The following NFIL3 variants were observed in gnomAD, a reference collection of about 807,000 sequenced individuals.
The protein encoded by NFIL3 is nuclear factor, interleukin 3 regulated.
Under a neutral mutation model 10.0 loss-of-function variants are expected in NFIL3, and 5 were observed. The observed-to-expected ratio is 0.50, with a 90% CI of 0.26 to 1.06. NFIL3 has a LOEUF of 1.06. Among genes scored for constraint, NFIL3 ranks in the 50% least tolerant of loss-of-function variants. The probability of loss-of-function intolerance (pLI) is 0.13; values close to 1 mark genes in which losing one functional copy is unlikely to be tolerated. For synonymous variants in NFIL3, 202 were observed against 206.5 expected (o/e 0.98, Z 0.19); for missense variants, 436 against 547.6 (o/e 0.80, Z 2.03).
At chr9:91,448,373 C>A in the NFIL3 span, among the ~76,000 whole-genome samples, 4 of 152,192 alleles carry the variant, frequency 2.6e-5, no homozygotes, top group Admixed American at 1.3e-4. Context: ...GGAGTACGTG[C>A]AAAAAGAACA....
the NFIL3 span, among the ~76,000 whole-genome samples, chr9:91,483,163 T>C: frequency 1.3e-5 from 2 of 152,180 alleles, no homozygotes; most frequent in African/African-American, 4.8e-5. Flanking sequence ...GCCCTTTCCA[T>C]TGGCTGTGGG....
chr9:91,417,863 A>G (rs747504840), intron 1 of NFIL3, among the ~76,000 whole-genome samples: 1 of 152,174 alleles, frequency 6.6e-6, no homozygotes, highest in Non-Finnish European at 1.5e-5. Context: ...ATAGCAACAA[A>G]TTGACCTACT....
At chr9:91,440,283 A>C in the NFIL3 span, among the ~76,000 whole-genome samples, 1 of 152,022 alleles carries the variant, frequency 6.6e-6, no homozygotes, top group Non-Finnish European at 1.5e-5. Flanking sequence ...TAAGTCATCC[A>C]ATTTGTTTGG....
At chr9:91,458,768 G>T in the NFIL3 span, among the ~76,000 whole-genome samples, 1 of 152,202 alleles carries the variant, frequency 6.6e-6, no homozygotes, top group Non-Finnish European at 1.5e-5. Flanking sequence ...TTATTTGGGA[G>T]TCCAAGGCAG....
the NFIL3 span, among the ~76,000 whole-genome samples, chr9:91,444,972 TCTTGCAAAA>T: frequency 6.6e-6 from 1 of 152,050 alleles, no homozygotes; most frequent in South Asian, 2.1e-4. Flanking sequence ...GGGCTCAGGG[TCTTGCAAAA>T]CTACTATAGG....
chr9:91,413,042 T>A (rs773612359), intron 1 of NFIL3, among the ~76,000 whole-genome samples: 3 of 152,148 alleles, frequency 2.0e-5, no homozygotes, highest in African/African-American at 7.2e-5. Context: ...GAATAATGTT[T>A]CATGCCAGGT....
the NFIL3 span, among the ~76,000 whole-genome samples, chr9:91,452,787 C>CAAAAAAA: frequency 1.7e-5 from 1 of 59,852 alleles, no homozygotes; most frequent in African/African-American, 5.9e-5. Context: ...AACTCTGTCT[C>CAAAAAAA]AAAAAAAAAA....
the NFIL3 span, among the ~76,000 whole-genome samples, chr9:91,429,378 G>T: frequency 8.5e-5 from 13 of 152,262 alleles, no homozygotes; most frequent in African/African-American, 3.1e-4. Flanking sequence ...TGACTAACAT[G>T]CCACCAGCAT....
upstream of NFIL3, among the ~76,000 whole-genome samples, chr9:91,428,816 G>T (rs1833895242): frequency 6.6e-6 from 1 of 152,204 alleles, no homozygotes; most frequent in Non-Finnish European, 1.5e-5. Context: ...AGCCACCACA[G>T]ATGGCACACA....
At chr9:91,478,045 T>G in the NFIL3 span, among the ~76,000 whole-genome samples, 20 of 152,194 alleles carry the variant, frequency 1.3e-4, no homozygotes, top group Non-Finnish European at 2.6e-4. Context: ...CTTCCCTTTG[T>G]GGGTAACACA....
the NFIL3 span, among the ~76,000 whole-genome samples, chr9:91,467,176 T>TTATATTATATCATA: frequency 6.6e-6 from 1 of 151,554 alleles, no homozygotes; most frequent in Non-Finnish European, 1.5e-5. Flanking sequence ...ATATTATATA[T>TTATATTATATCATA]TATATTATAT....
At position 91,418,407 on chromosome 9, in the gene NFIL3, C is replaced by T. The variant is rs73651442; in HGVS notation, c.-173+5233G>A. Among the ~76,000 whole-genome samples, 778 of 152,312 alleles carry T rather than the reference C, an allele frequency of 5.1e-3. 4 individuals are homozygous for T. Among genetic ancestry groups the T allele is most frequent in the African/African-American group, 0.017 (713 of 41,554 alleles). On this transcript the variant is annotated intron_variant, in intron 1 of 1. Transcript: ENST00000297689. ...AAAATTCCCCAATGAATAAGTAATACATGCAACATGGTGTAATGATGGCAA... is the reference window on the plus strand; with the variant it reads ...AAAATTCCCCAATGAATAAGTAATATATGCAACATGGTGTAATGATGGCAA...
chr9:91,454,404 C>G, the NFIL3 span, among the ~76,000 whole-genome samples: 3 of 151,800 alleles, frequency 2.0e-5, no homozygotes, highest in African/African-American at 4.8e-5. Context: ...TTACAAAACA[C>G]CGAATTTTTG....
At chr9:91,415,854 C>T (rs965606397) in intron 1 of NFIL3, among the ~76,000 whole-genome samples, 2 of 151,980 alleles carry the variant, frequency 1.3e-5, no homozygotes, top group Admixed American at 6.6e-5. Flanking sequence ...CTTGAACTCC[C>T]GATCTCAGGT....
intron 1 of NFIL3, among the ~76,000 whole-genome samples, chr9:91,417,165 A>G (rs942693618): frequency 1.3e-5 from 2 of 152,336 alleles, no homozygotes; most frequent in South Asian, 4.1e-4. Flanking sequence ...AATTCTGTCA[A>G]TAGAAGATGA....
At chr9:91,434,783 C>T in the NFIL3 span, among the ~76,000 whole-genome samples, 1 of 152,282 alleles carries the variant, frequency 6.6e-6, no homozygotes, top group East Asian at 1.9e-4. Context: ...TGCACCTAGA[C>T]TTCACCACTA....
chr9:91,456,155 T>C, the NFIL3 span, among the ~76,000 whole-genome samples: 2 of 152,232 alleles, frequency 1.3e-5, no homozygotes, highest in East Asian at 1.9e-4. Flanking sequence ...TGGATATACA[T>C]GTATCCATTG....
the NFIL3 span, among the ~76,000 whole-genome samples, chr9:91,451,998 T>C: frequency 3.9e-5 from 6 of 152,268 alleles, no homozygotes; most frequent in African/African-American, 1.4e-4. Flanking sequence ...AAAATAAAAT[T>C]TGAAGCCCCT....
the NFIL3 span, among the ~76,000 whole-genome samples, chr9:91,435,374 T>A: frequency 6.6e-6 from 1 of 152,132 alleles, no homozygotes; most frequent in Non-Finnish European, 1.5e-5. Context: ...GTGCCTCACC[T>A]CTCTTTCACC....
Sources: allele counts gnomAD v4.1 joint callset (sites outside exome capture counted in the v4.1 genomes callset), GRCh38; gene constraint gnomAD v4.1.1; transcripts MANE v1.5; gene names NCBI Gene and HGNC (gene_info 2026-07-23, HGNC 2026-07-21).